Variants in CCDC18 observed in about 807,000 individuals in gnomAD.
CCDC18 encodes coiled-coil domain containing 18.
Under a neutral mutation model 196.0 loss-of-function variants are expected in CCDC18, and 157 were observed. The ratio of observed to expected loss-of-function variants is 0.80; its 90% CI spans 0.70 to 0.91. The LOEUF (loss-of-function observed/expected upper bound fraction) is 0.91. CCDC18 is among the 40% of genes least tolerant of loss of function. The probability of loss-of-function intolerance (pLI) is 0.00; values close to 1 mark genes in which losing one functional copy is unlikely to be tolerated. For synonymous variants in CCDC18, 482 were observed against 529.2 expected, an observed-to-expected ratio of 0.91 and a Z score of 1.22; for missense variants, 1,465 against 1,611.6, an observed-to-expected ratio of 0.91 and a Z score of 1.56.
chr1:93,221,976 T>TC, intron 16 of CCDC18, 40 bp downstream of exon 16: 1 of 1,380,076 alleles, frequency 7.2e-7, no homozygotes, highest in African/African-American at 1.5e-5. Context: ...CTTTCCTTTT[T>TC]TTTTTTTTTA....
intron 24 of CCDC18, among the ~76,000 whole-genome samples, chr1:93,255,195 C>T (rs936713418): frequency 6.6e-6 from 1 of 152,050 alleles, no homozygotes; most frequent in South Asian, 2.1e-4. Flanking sequence ...TTGTGATCCA[C>T]CTGCCTTGGC....
intron 23 of CCDC18, among the ~76,000 whole-genome samples, chr1:93,252,019 G>GTCTATCTATCTA (rs55887771): frequency 0.04 from 6,062 of 150,344 alleles, 138 homozygotes; most frequent in Non-Finnish European, 0.043. Flanking sequence ...CTATCTGTCT[G>GTCTATCTATCTA]TCTATCTATC....
In CCDC18 at chr1:93,205,598, A is replaced by G; in HGVS notation, c.884A>G (p.Lys295Arg). 1.3e-6 allele frequency: 2 copies of G among 1,595,982 alleles called. No individual in the cohort carries two copies. Among genetic ancestry groups the G allele is most frequent in the Non-Finnish European group, 8.5e-7 (1 of 1,171,968 alleles). ...CTACAAGAAAGGTGTGGTCTATATA[A>G]AAGTGAACTTGAAATTCTGAAAGAG... ...KRLQERCGLY[K>R]SELEILKEKL... Residue 295 changes from lysine (K) to arginine (R), a missense_variant, in exon 8 of 29, where the codon AAA becomes AGA. Physicochemically the swap from Lys to Arg is conservative, Grantham distance 26. Coordinates refer to ENST00000690025, the MANE Select transcript of CCDC18 (RefSeq NM_001378204.1).
chr1:93,268,711 C>G (rs1664875079), intron 27 of CCDC18, among the ~76,000 whole-genome samples: 1 of 152,026 alleles, frequency 6.6e-6, no homozygotes, highest in Admixed American at 6.6e-5. Flanking sequence ...AAATGCAAAT[C>G]AAAACCACAA....
intron 26 of CCDC18, chr1:93,262,139 T>C (rs977242025): frequency 6.6e-6 from 1 of 152,008 alleles, no homozygotes; most frequent in African/African-American, 2.4e-5. Context: ...CCAGGTACCT[T>C]CCTCCACATG....
chr1:93,241,720 T>A (rs1490167635), intron 21 of CCDC18, among the ~76,000 whole-genome samples: 1 of 71,070 alleles, frequency 1.4e-5, no homozygotes, highest in South Asian at 4.7e-4. Context: ...TGAGACTCCA[T>A]CTCAAAAAAA....
intron 25 of CCDC18, among the ~76,000 whole-genome samples, chr1:93,258,072 ATAAT>A (rs1023698450): frequency 8.0e-5 from 12 of 150,558 alleles, no homozygotes; most frequent in African/African-American, 2.4e-4. Flanking sequence ...TAAAATTAAA[ATAAT>A]TAAATTAATT....
In CCDC18 at chr1:93,221,938, C is replaced by A. The variant is rs1438974354; in HGVS notation, c.2175+2C>A. ...CAAGTATCTGAAGAAACAATCAAGG[C>A]TAGTATGCTAATACTTTATTTTTCT... On this transcript the variant is annotated splice_donor_variant, in intron 16 of 28. Transcript: ENST00000690025. LOFTEE classifies it high-confidence loss of function. 1.3e-6 allele frequency: 2 copies of A among 1,540,136 alleles called. No individual in the cohort carries two copies. The highest frequency in any genetic ancestry group is 1.8e-6 in the Non-Finnish European group (2 of 1,132,078).
At position 93,270,986 on chromosome 1, in the gene CCDC18, C is replaced by T. The variant is rs902993944; in HGVS notation, c.4353+172C>T. 5 of 982,632 alleles carry T rather than the reference C, an allele frequency of 5.1e-6. No homozygotes were observed. In the African/African-American group the frequency reaches 7.0e-5, roughly 14 times the overall value. The allele number at this position is 982,632 out of a possible 1,614,324, so 60.9% of individuals were successfully genotyped here. A position where few individuals can be genotyped will look rare whatever the true frequency, so the allele number is the denominator to read the frequency against. ...ATACCAAAAGACATTTTCTCTATTG[C>T]ATGGTGTGAGACAATACGGGGAAAG... On this transcript the variant is annotated intron_variant, in intron 28 of 28. Transcript: ENST00000690025.
chr1:93,186,687 G>A (rs1206266183), intron 4 of CCDC18, among the ~76,000 whole-genome samples, 184 bp downstream of exon 4: 1 of 151,944 alleles, frequency 6.6e-6, no homozygotes, highest in African/African-American at 2.4e-5. Context: ...GAAAATGATT[G>A]AAGGGAACTT....
At chr1:93,228,519 A>C (rs1376974209) in intron 17 of CCDC18, among the ~76,000 whole-genome samples, 5 of 152,120 alleles carry the variant, frequency 3.3e-5, no homozygotes, top group African/African-American at 9.7e-5. Flanking sequence ...AAAAAAAAAA[A>C]AAAAACTTCA....
intron 28 of CCDC18, among the ~76,000 whole-genome samples, chr1:93,275,256 T>C (rs1363609014): frequency 6.6e-6 from 1 of 152,080 alleles, no homozygotes; most frequent in African/African-American, 2.4e-5. Flanking sequence ...TACAGGCGTG[T>C]GTCACCATGC....
intron 23 of CCDC18, among the ~76,000 whole-genome samples, chr1:93,252,192 C>G (rs1423004559): frequency 6.6e-6 from 1 of 151,954 alleles, no homozygotes; most frequent in African/African-American, 2.4e-5. Flanking sequence ...TGCATGCTGC[C>G]ACACCTGGCT....
intron 1 of CCDC18, among the ~76,000 whole-genome samples, chr1:93,182,591 A>G (rs1231594804): frequency 3.3e-5 from 5 of 152,222 alleles, no homozygotes; most frequent in African/African-American, 1.2e-4. Context: ...CAATAATAAA[A>G]TGTGATGCTT....
At chr1:93,270,868 TTTA>T in intron 28 of CCDC18, 54 bp downstream of exon 28, 1 of 1,379,562 alleles carries the variant, frequency 7.2e-7, no homozygotes, top group South Asian at 1.9e-5. Flanking sequence ...AGAATATCAT[TTTA>T]TTACTTGGAA....
intron 28 of CCDC18, among the ~76,000 whole-genome samples, chr1:93,277,942 C>T (rs1665716125): frequency 6.6e-6 from 1 of 152,026 alleles, no homozygotes; most frequent in African/African-American, 2.4e-5. Flanking sequence ...TTCACACCCA[C>T]CTCATCAAGC....
rs1660428315 is a variant in CCDC18 at position 93,239,150 on chromosome 1, T to C, written c.2604-160T>C. Among the ~76,000 whole-genome samples, 3 of 149,240 alleles carry C rather than the reference T, an allele frequency of 2.0e-5. No homozygotes were observed. The South Asian group carries it at 6.6e-4, about 33-fold the overall frequency. On this transcript the variant is annotated intron_variant, in intron 19 of 28. Coordinates refer to ENST00000690025, the MANE Select transcript of CCDC18 (RefSeq NM_001378204.1). ...TGGTATGTAATGTGTAAAGGAATAGTTTTTAGTTGGAGAATTTTTAAAAAT... is the reference window on the plus strand; with the variant it reads ...TGGTATGTAATGTGTAAAGGAATAGCTTTTAGTTGGAGAATTTTTAAAAAT...
In CCDC18 at chr1:93,214,881, A is replaced by C. The variant is rs1284294979; in HGVS notation, c.1634A>C (p.Asn545Thr). Residue 545 changes from asparagine to threonine, a missense_variant, in exon 12 of 29, where the codon AAC (asparagine) becomes ACC (threonine). Coordinates refer to ENST00000690025, the MANE Select transcript of CCDC18 (RefSeq NM_001378204.1). ...GCTGAAAATTCTGATTTGAAGGTTA[A>C]CATGGCTCACAGAACTAGTCAGTTT... ...IEAENSDLKV[N>T]MAHRTSQFQL... 6.2e-7 allele frequency: 1 copy of C among 1,613,586 alleles called. No homozygotes were observed. Among genetic ancestry groups the C allele is most frequent in the South Asian group, 1.1e-5 (1 of 91,036 alleles).
intron 25 of CCDC18, among the ~76,000 whole-genome samples, chr1:93,257,998 T>C (rs903670551): frequency 1.3e-5 from 2 of 151,672 alleles, no homozygotes; most frequent in Non-Finnish European, 2.9e-5. Context: ...CTATATTCCA[T>C]CATCTATAGT....
Sources: allele counts gnomAD v4.1 joint callset (sites outside exome capture counted in the v4.1 genomes callset), GRCh38; gene constraint gnomAD v4.1.1; transcripts MANE v1.5; gene names NCBI Gene and HGNC (gene_info 2026-07-23, HGNC 2026-07-21).